The following TBC1D32 variants were observed in gnomAD, a reference collection of about 807,000 sequenced individuals.
TBC1D32 encodes TBC1 domain family member 32.
Under a neutral mutation model 170.3 loss-of-function variants are expected in TBC1D32, and 151 were observed. The ratio of observed to expected loss-of-function variants is 0.89; its 90% CI spans 0.78 to 1.01. TBC1D32 has a LOEUF of 1.01. TBC1D32 is among the 50% of genes least tolerant of loss of function. The pLI, the probability that TBC1D32 is intolerant of heterozygous loss-of-function variation, is 0.00. For synonymous variants in TBC1D32, 498 were observed against 488.0 expected (o/e 1.02, Z -0.27); for missense variants, 1,464 against 1,457.1 (o/e 1.00, Z -0.08).
At chr6:121,280,620 GT>G (rs2128444021) in intron 14 of TBC1D32, among the ~76,000 whole-genome samples, 1 of 151,890 alleles carries the variant, frequency 6.6e-6, no homozygotes, top group Non-Finnish European at 1.5e-5. Context: ...TGGACCAAGC[GT>G]AAAATTTTCT....
At chr6:121,192,842 C>A (rs1348007208) in intron 22 of TBC1D32, among the ~76,000 whole-genome samples, 1 of 152,096 alleles carries the variant, frequency 6.6e-6, no homozygotes, top group Non-Finnish European at 1.5e-5. Flanking sequence ...GTCTTTCCAT[C>A]TTTGTCTGAG....
intron 24 of TBC1D32, 81 bp from the exon 25 acceptor site, chr6:121,131,833 T>G (rs999150185): frequency 1.8e-6 from 2 of 1,134,844 alleles, no homozygotes; most frequent in African/African-American, 3.1e-5. Flanking sequence ...ATGTAAACAG[T>G]TGAAAATTCC....
At chr6:121,168,851 C>T (rs879506427) in intron 22 of TBC1D32, among the ~76,000 whole-genome samples, 2 of 151,534 alleles carry the variant, frequency 1.3e-5, no homozygotes, top group African/African-American at 4.9e-5. Flanking sequence ...CCTAGAACTA[C>T]AGCTAACAAG....
chr6:121,289,315 T>C (rs925486888), intron 12 of TBC1D32, among the ~76,000 whole-genome samples: 29 of 152,266 alleles, frequency 1.9e-4, no homozygotes, highest in African/African-American at 7.0e-4. Context: ...AGTCTCAGGA[T>C]ACAAAATCAA....
At position 121,321,366 on chromosome 6, in the gene TBC1D32, G is replaced by A. The variant is rs1809671405; in HGVS notation, c.317+267C>T. 2.6e-5 allele frequency among the ~76,000 whole-genome samples: 4 copies of A among 152,294 alleles called. No individual in the cohort carries two copies. The South Asian group carries it at 6.2e-4, about 24-fold the overall frequency. On this transcript the variant is annotated intron_variant, in intron 2 of 31. Transcript: ENST00000398212. ...ACAGTGGCTAGAGCAGTATGAGGGAGAAAATGATAAGAAATGGGGTAGGAG... is the reference window on the plus strand; with the variant it reads ...ACAGTGGCTAGAGCAGTATGAGGGAAAAAATGATAAGAAATGGGGTAGGAG...
intron 23 of TBC1D32, 88 bp downstream of exon 23, chr6:121,160,860 G>C: frequency 1.1e-6 from 1 of 942,262 alleles, no homozygotes; most frequent in South Asian, 1.3e-5. Flanking sequence ...ACATTTAAGA[G>C]GTAAAGTTTA....
At chr6:121,175,708 AT>A (rs1316062022) in intron 22 of TBC1D32, among the ~76,000 whole-genome samples, 2 of 152,136 alleles carry the variant, frequency 1.3e-5, no homozygotes, top group African/African-American at 4.8e-5. Context: ...CTTTAATTTG[AT>A]TTTTTAGAAG....
chr6:121,101,464 T>G (rs905458353), intron 30 of TBC1D32, among the ~76,000 whole-genome samples: 1 of 152,026 alleles, frequency 6.6e-6, no homozygotes, highest in Non-Finnish European at 1.5e-5. Flanking sequence ...ATCCATCACA[T>G]AAACTGAACC....
intron 24 of TBC1D32, among the ~76,000 whole-genome samples, chr6:121,157,405 G>A (rs1280368659): frequency 6.6e-6 from 1 of 152,102 alleles, no homozygotes; most frequent in Non-Finnish European, 1.5e-5. Context: ...CATTACATGT[G>A]AGATGTGTCT....
At chr6:121,237,729 T>C (rs150558471) in intron 20 of TBC1D32, among the ~76,000 whole-genome samples, 1,976 of 152,178 alleles carry the variant, frequency 0.013, 31 homozygotes, top group Non-Finnish European at 0.018. Flanking sequence ...TTCTCTACTC[T>C]GATTTCTAAT....
chr6:121,098,673 G>A (rs1207889178), intron 30 of TBC1D32, among the ~76,000 whole-genome samples: 1 of 152,008 alleles, frequency 6.6e-6, no homozygotes, highest in African/African-American at 2.4e-5. Context: ...ACTAAAAAGA[G>A]CAAGACAAAG....
chr6:121,273,496 T>TGG (rs35633255), intron 15 of TBC1D32, among the ~76,000 whole-genome samples: 3 of 149,288 alleles, frequency 2.0e-5, no homozygotes, highest in Admixed American at 6.7e-5. Flanking sequence ...GTCGTGGGGT[T>TGG]GGGGGGGTTA....
intron 25 of TBC1D32, chr6:121,130,003 A>T: frequency 2.5e-6 from 1 of 404,634 alleles, no homozygotes. Flanking sequence ...ACCAAAGGTA[A>T]ATTAGAAATC....
rs764832559 is a variant in TBC1D32 at position 121,279,148 on chromosome 6, C to G, written c.1706G>C (p.Gly569Ala). The change falls in exon 15 of 32, where the codon GGA becomes GCA. Residue 569 changes from glycine (G) to alanine (A), a missense_variant. Physicochemically the swap from Gly to Ala is moderately conservative, Grantham distance 60. This residue lies in a region of TBC1D32 where 1,363 missense variants were observed against 1,338.1 expected (regional missense o/e 1.02). Coordinates refer to ENST00000398212, the MANE Select transcript of TBC1D32 (RefSeq NM_152730.6). ...TTCTTCAGAAGAGTTCATATTTGCT[C>G]CATAAAGGAGTAAAATAAGCCCTTC... ...VEEGLILLLY[G>A]ANMNSSEESP... is the part of the protein sequence containing the mutation. 5.0e-6 allele frequency: 8 copies of G among 1,609,488 alleles called. No individual in the cohort carries two copies. The highest frequency in any genetic ancestry group is 6.8e-6 in the Non-Finnish European group (8 of 1,178,536).
intron 22 of TBC1D32, among the ~76,000 whole-genome samples, chr6:121,171,965 A>C (rs1787079600): frequency 6.6e-6 from 1 of 152,102 alleles, no homozygotes; most frequent in Non-Finnish European, 1.5e-5. Flanking sequence ...AAAAGCATGG[A>C]GGAGGGAGAA....
chr6:121,299,546 C>T, intron 9 of TBC1D32, 41 bp from the exon 10 acceptor site: 1 of 1,461,510 alleles, frequency 6.8e-7, no homozygotes, highest in Non-Finnish European at 9.2e-7. Flanking sequence ...TCAAGCTGTG[C>T]CACTCAAAAT....
intron 24 of TBC1D32, among the ~76,000 whole-genome samples, chr6:121,149,887 G>A (rs1293020821): frequency 6.6e-6 from 1 of 152,176 alleles, no homozygotes; most frequent in Non-Finnish European, 1.5e-5. Flanking sequence ...TCCTATGCAT[G>A]AGCATGGAAT....
chr6:121,194,559 CTGCAGCTGCTGTACTAGA>C (rs2128291349), intron 22 of TBC1D32, among the ~76,000 whole-genome samples: 1 of 152,334 alleles, frequency 6.6e-6, no homozygotes, highest in Admixed American at 6.5e-5. Flanking sequence ...GTGACTCCAA[CTGCAGCTGCTGTACTAGA>C]TGTGGTTTCA....
intron 22 of TBC1D32, chr6:121,170,443 A>C (rs761764443): frequency 1.2e-6 from 2 of 1,606,896 alleles, no homozygotes; most frequent in South Asian, 2.2e-5. Context: ...TTTCTTCTTG[A>C]GCATTTAGTA....
Sources: gnomAD v4.1 joint callset for allele counts (sites outside exome capture counted in the v4.1 genomes callset) on GRCh38, gnomAD v4.1.1 for gene constraint, gnomAD v4.1.1 regional missense constraint, MANE v1.5 for transcripts, NCBI Gene and HGNC (gene_info 2026-07-23, HGNC 2026-07-21) for gene names.